Variants in CREB3L3 observed in about 807,000 individuals in gnomAD.
CREB3L3 encodes cyclic AMP-responsive element-binding protein 3-like protein 3.
In CREB3L3, 40 loss-of-function variants were observed where a neutral mutation model predicts 44.6. The observed-to-expected ratio is 0.90, with a 90% confidence interval of 0.70 to 1.17. The LOEUF is 1.17. CREB3L3 is among the 50% of genes most tolerant of loss of function. The pLI is 0.00. For synonymous variants in CREB3L3, 273 were observed against 256.3 expected (o/e 1.06, Z -0.62); for missense variants, 578 against 595.8 (o/e 0.97, Z 0.31).
At chr19:4,166,487 A>G (rs1451853911) in intron 5 of CREB3L3, among the ~76,000 whole-genome samples, 1 of 133,612 alleles carries the variant, frequency 7.5e-6, no homozygotes, top group Non-Finnish European at 1.5e-5. Context: ...GATGGTCTCG[A>G]TCTCTTGACC....
intron 2 of CREB3L3, among the ~76,000 whole-genome samples, chr19:4,156,111 CTCTCTCT>C: frequency 7.4e-6 from 1 of 135,266 alleles, no homozygotes; most frequent in Non-Finnish European, 1.6e-5. Flanking sequence ...CTCTCTCTCT[CTCTCTCT>C]CCCCCCCTCT....
chr19:4,164,502 G>A lies in CREB3L3; in HGVS notation c.577-1G>A, dbSNP rs2041700760. The A allele has an allele frequency of 6.2e-7, 1 of 1,613,928 alleles. No individual in the cohort carries two copies. Among genetic ancestry groups the A allele is most frequent in the Non-Finnish European group, 8.5e-7 (1 of 1,180,014 alleles). ...CGTCATTCCTCTGATTTTTTCCGTAGCAACAGCATCACCTGGGGGCCTCCT... is the reference window on the plus strand; with the variant it reads ...CGTCATTCCTCTGATTTTTTCCGTAACAACAGCATCACCTGGGGGCCTCCT... On this transcript the variant is annotated splice_acceptor_variant, in intron 4 of 9. Transcript: ENST00000078445. LOFTEE classifies it high-confidence loss of function.
intron 3 of CREB3L3, among the ~76,000 whole-genome samples, chr19:4,157,641 G>A (rs921892942): frequency 1.3e-5 from 2 of 152,224 alleles, no homozygotes; most frequent in African/African-American, 4.8e-5. Context: ...CCTTCTACGT[G>A]TCTGTACCCC....
chr19:4,164,376 G>A (rs953952944), intron 4 of CREB3L3, 127 bp from the exon 5 acceptor site: 1 of 1,157,866 alleles, frequency 8.6e-7, no homozygotes, highest in Non-Finnish European at 1.3e-6. Context: ...TCTAAGTGCT[G>A]GGATGACAGG....
chr19:4,170,227 G>A lies in CREB3L3; in HGVS notation c.890+19G>A, dbSNP rs1361700889. 6.2e-7 allele frequency: 1 copy of A among 1,613,428 alleles called. No individual in the cohort carries two copies. The highest frequency in any genetic ancestry group is 1.3e-5 in the African/African-American group (1 of 74,916). ...AAAACCTGTGAGTCTGGGTCCAGCT[G>A]GGGCAGAGGACAGGGGAAGCAGCCC... is the stretch of plus-strand genomic sequence containing the variant. On this transcript the variant is annotated intron_variant, in intron 7 of 9. Coordinates refer to ENST00000078445, the MANE Select transcript of CREB3L3 (RefSeq NM_032607.3).
chr19:4,157,724 C>T (rs976123717), intron 3 of CREB3L3, among the ~76,000 whole-genome samples: 1 of 151,968 alleles, frequency 6.6e-6, no homozygotes, highest in Non-Finnish European at 1.5e-5. Flanking sequence ...TTCACTCTGT[C>T]ACCCAGGCTG....
chr19:4,158,702 A>G (rs1165131492), intron 3 of CREB3L3, among the ~76,000 whole-genome samples: 2 of 151,540 alleles, frequency 1.3e-5, no homozygotes, highest in Non-Finnish European at 2.9e-5. Context: ...TCGGGAGGCT[A>G]AGGCAGGAGA....
In CREB3L3 at chr19:4,155,543, G is replaced by A. The variant is rs533848167; in HGVS notation, c.156+516G>A. ...CTGGCTAATTTTTGTATTTTTAGTAGAGATGGGTTTCACTATCCTGGCCAG... is the reference window on the plus strand; with the variant it reads ...CTGGCTAATTTTTGTATTTTTAGTAAAGATGGGTTTCACTATCCTGGCCAG... On this transcript the variant is annotated intron_variant, in intron 2 of 9. Coordinates refer to ENST00000078445, the MANE Select transcript of CREB3L3 (RefSeq NM_032607.3). 7.3e-5 allele frequency among the ~76,000 whole-genome samples: 11 copies of A among 151,724 alleles called. No homozygotes were observed. The South Asian group carries it at 1.5e-3, about 20-fold the overall frequency.
Position 4,157,235 on chromosome 19 carries a change from T to G in CREB3L3, c.397T>G (p.Ser133Ala). ...CTCCTATCATCCTGGCAACTCTTGC[T>G]CCACCACAACCCCAGGGCCAGTGAT... ...CLSYHPGNSC[S>A]TTTPGPVIQV... is the part of the protein sequence containing the mutation. The change falls in exon 3 of 10, where the codon TCC becomes GCC. Residue 133 changes from serine to alanine, a missense_variant. Coordinates refer to ENST00000078445, the MANE Select transcript of CREB3L3 (RefSeq NM_032607.3). 2 of 1,614,102 alleles carry G rather than the reference T, an allele frequency of 1.2e-6. No individual in the cohort carries two copies. Among genetic ancestry groups the G allele is most frequent in the Non-Finnish European group, 1.7e-6 (2 of 1,180,010 alleles).
chr19:4,154,773 G>T (rs2041550171), intron 1 of CREB3L3, 126 bp from the exon 2 acceptor site: 1 of 1,403,730 alleles, frequency 7.1e-7, no homozygotes, highest in Non-Finnish European at 1.0e-6. Flanking sequence ...AGGGGCAGCA[G>T]CTGGCCCAAC....
intron 4 of CREB3L3, 28 bp downstream of exon 4, chr19:4,159,810 G>T: frequency 1.0e-6 from 1 of 992,220 alleles, no homozygotes; most frequent in South Asian, 1.3e-5. Context: ...CTCCCATGGG[G>T]CGTTGGAGCT....
Position 4,157,302 on chromosome 19 carries a change from C to T in CREB3L3, c.457+7C>T, listed in dbSNP as rs2041597807. 6.2e-7 allele frequency: 1 copy of T among 1,614,000 alleles called. No individual in the cohort carries two copies. The highest frequency in any genetic ancestry group is 8.5e-7 in the Non-Finnish European group (1 of 1,179,932). ...TCTGTGACCATAGACCTGGGTGAGT[C>T]CTGCTGTGTCTCTGCCCACCGCCCT... On this transcript the variant is annotated splice_region_variant and intron_variant, in intron 3 of 9. Transcript: ENST00000078445.
chr19:4,167,534 A>G (rs1282894996), intron 5 of CREB3L3, among the ~76,000 whole-genome samples: 74 of 129,722 alleles, frequency 5.7e-4, no homozygotes, highest in African/African-American at 1.1e-3. Flanking sequence ...GGGAGAAAGG[A>G]AGGAAGGGAG....
intron 3 of CREB3L3, among the ~76,000 whole-genome samples, chr19:4,158,852 C>G (rs1292980656): frequency 1.3e-5 from 2 of 151,294 alleles, no homozygotes; most frequent in Non-Finnish European, 2.9e-5. Context: ...GTCACTTACT[C>G]AAGGTCACAC....
rs79846541 is a variant in CREB3L3, at chr19:4,170,007, C to T, written c.822-133C>T. ...CAGCCCTGTCTGACCTGCCGAGTAA[C>T]CTTGGATGAATGACTTCCCCTCTCT... On this transcript the variant is annotated intron_variant, in intron 6 of 9. Transcript: ENST00000078445. 8.8e-3 allele frequency: 7,535 copies of T among 855,906 alleles called. 45 individuals are homozygous for T. The highest frequency in any genetic ancestry group is 0.012 in the Non-Finnish European group (5,977 of 507,148). The allele number at this position is 855,906 out of a possible 1,614,324, so 53.0% of individuals were successfully genotyped here.
intron 4 of CREB3L3, 124 bp downstream of exon 4, chr19:4,159,906 C>A: frequency 2.9e-6 from 2 of 693,922 alleles, no homozygotes; most frequent in Admixed American, 2.0e-5. Context: ...GGAATTTGCC[C>A]ACAGTTAGAG....
At chr19:4,159,565 T>C (rs544362200) in intron 3 of CREB3L3, 99 bp from the exon 4 acceptor site, 50 of 766,756 alleles carry the variant, frequency 6.5e-5, no homozygotes, top group African/African-American at 4.4e-4. Context: ...TTGGGATTAA[T>C]CATGGGAGAC....
At position 4,171,549 on chromosome 19, in the gene CREB3L3, G is replaced by A; in HGVS notation, c.1072+70G>A. 1 of 1,601,622 alleles carries A rather than the reference G, an allele frequency of 6.2e-7. No individual in the cohort carries two copies. Among genetic ancestry groups the A allele is most frequent in the South Asian group, 1.1e-5 (1 of 90,790 alleles). On this transcript the variant is annotated intron_variant, in intron 9 of 9. Transcript: ENST00000078445. The surrounding 1 kb of genome is among the most constrained non-coding windows in gnomAD (Gnocchi z 4.9). ...TCCCCGTCCTGGGCCTCTGGGGGAG[G>A]GGGAGAAGACCCCTGTGCCCTTGTT... is the stretch of plus-strand genomic sequence containing the variant.
rs1167386243 is a variant in CREB3L3 at position 4,168,368 on chromosome 19, G to GA, written c.739dup (p.Ile247AsnfsTer128). ...CTTGGCAGTACGAGGAGCGAGTGCT[G>GA]AAAAAAATCCGCCGGAAAATCCGGA... On this transcript the variant is annotated frameshift_variant, in exon 6 of 10. Coordinates refer to ENST00000078445, the MANE Select transcript of CREB3L3 (RefSeq NM_032607.3). LOFTEE classifies it high-confidence loss of function. The GA allele has an allele frequency of 2.5e-6, 4 of 1,610,158 alleles. No homozygotes were observed. The African/African-American group carries it at 4.0e-5, about 16-fold the overall frequency.
Sources: gnomAD v4.1 joint callset for allele counts (sites outside exome capture counted in the v4.1 genomes callset) on GRCh38, gnomAD v4.1.1 for gene constraint, Gnocchi (gnomAD v3.1) non-coding constraint, MANE v1.5 for transcripts, NCBI Gene and HGNC (gene_info 2026-07-23, HGNC 2026-07-21) for gene names.